The following UBAP2 variants were observed in gnomAD, a reference collection of about 807,000 sequenced individuals.
UBAP2 encodes ubiquitin associated protein 2, also known as ubiquitin-associated protein 2.
Under a neutral mutation model 139.6 loss-of-function variants are expected in UBAP2, and 75 were observed. The observed-to-expected ratio is 0.54, with a 90% CI of 0.45 to 0.65. The LOEUF is 0.65. Ranked by LOEUF, UBAP2 falls within the 30% of genes least tolerant of loss-of-function variation. The pLI, the probability that UBAP2 is intolerant of heterozygous loss-of-function variation, is 0.00. For missense variants in UBAP2, 1,368 were observed against 1,369.6 expected (o/e 1.00, Z 0.02); for synonymous variants, 526 against 526.2 (o/e 1.00, Z 0.01).
intron 2 of UBAP2, among the ~76,000 whole-genome samples, chr9:34,009,838 G>A (rs956146008): frequency 1.4e-4 from 19 of 135,904 alleles, no homozygotes; most frequent in African/African-American, 2.5e-4. Flanking sequence ...ACAGAGTTTC[G>A]CTCTTGTTGT....
At chr9:34,006,579 G>A (rs1587648818) in intron 2 of UBAP2, among the ~76,000 whole-genome samples, 1 of 152,148 alleles carries the variant, frequency 6.6e-6, no homozygotes, top group East Asian at 1.9e-4. Flanking sequence ...AAGAGGCTGA[G>A]GTAGGAGGAT....
chr9:34,027,566 GA>G (rs1825509509), intron 1 of UBAP2, among the ~76,000 whole-genome samples: 1 of 144,926 alleles, frequency 6.9e-6, no homozygotes, highest in African/African-American at 2.6e-5. Context: ...ATTTAAAAAA[GA>G]AAAAAATAGG....
chr9:34,046,978 G>A (rs139075074), intron 1 of UBAP2, among the ~76,000 whole-genome samples: 1 of 152,242 alleles, frequency 6.6e-6, no homozygotes, highest in Non-Finnish European at 1.5e-5. Flanking sequence ...AACTCCATGT[G>A]ACTACTGCTG....
At chr9:33,957,119 G>C (rs901873616) in intron 10 of UBAP2, among the ~76,000 whole-genome samples, 1 of 151,832 alleles carries the variant, frequency 6.6e-6, no homozygotes, top group Non-Finnish European at 1.5e-5. Context: ...TCATTAAGAA[G>C]TTTGTAAAGG....
chr9:33,992,938 C>A (rs1344122328), intron 4 of UBAP2, among the ~76,000 whole-genome samples: 2 of 152,152 alleles, frequency 1.3e-5, no homozygotes, highest in Admixed American at 6.5e-5. Context: ...GTCTTCGAAG[C>A]CAGCTAGTTC....
At chr9:34,015,928 C>G (rs1457660574) in intron 2 of UBAP2, among the ~76,000 whole-genome samples, 4 of 152,164 alleles carry the variant, frequency 2.6e-5, no homozygotes, top group Non-Finnish European at 4.4e-5. Context: ...CTCAGCCTCC[C>G]AAAGTGTTGA....
intron 2 of UBAP2, chr9:34,011,797 G>A (rs1823768572): frequency 3.8e-6 from 1 of 261,866 alleles, no homozygotes; most frequent in African/African-American, 2.3e-5. Flanking sequence ...ATCTTGCCAA[G>A]AAAAGTACCA....
intron 9 of UBAP2, among the ~76,000 whole-genome samples, chr9:33,962,654 A>G (rs1348119653): frequency 7.5e-6 from 1 of 133,874 alleles, no homozygotes; most frequent in Non-Finnish European, 1.5e-5. Flanking sequence ...AAAAATAAAT[A>G]AATAAATAAA....
At chr9:33,954,737 A>C (rs1436693251) in intron 11 of UBAP2, among the ~76,000 whole-genome samples, 1 of 152,184 alleles carries the variant, frequency 6.6e-6, no homozygotes, top group East Asian at 1.9e-4. Flanking sequence ...TACAATAGAG[A>C]ATATGTGCAT....
chr9:33,977,367 T>G (rs1820233953), intron 6 of UBAP2, among the ~76,000 whole-genome samples: 1 of 152,090 alleles, frequency 6.6e-6, no homozygotes. Flanking sequence ...TTAAAAAATC[T>G]AATCCATCGT....
chr9:33,986,770 G>A lies in UBAP2; in HGVS notation c.510C>T (p.Ala170=). 6.2e-7 allele frequency: 1 copy of A among 1,613,790 alleles called. No homozygotes were observed. Among genetic ancestry groups the A allele is most frequent in the Non-Finnish European group, 8.5e-7 (1 of 1,179,918 alleles). The stretch of plus-strand genomic sequence containing the variant: ...CTTACTCTAGCTTACCTCTACCCCG[G>A]GCTCGCTTGCCACGATCTGAAGGTT... ...VDKPSDRGKR[A]RGRGFGRGRG... The change falls in exon 6 of 29, where the codon GCC becomes GCT. Residue 170 remains alanine (A), a synonymous_variant. Transcript: ENST00000379238.
chr9:33,969,731 T>C (rs1277851340), intron 8 of UBAP2, among the ~76,000 whole-genome samples: 3 of 149,514 alleles, frequency 2.0e-5, no homozygotes, highest in Non-Finnish European at 4.5e-5. Flanking sequence ...CCAGGCATAG[T>C]GCCGGACACC....
At chr9:33,939,135 G>C (rs546545385) in intron 16 of UBAP2, among the ~76,000 whole-genome samples, 1 of 149,578 alleles carries the variant, frequency 6.7e-6, no homozygotes, top group African/African-American at 2.5e-5. Flanking sequence ...ATTAGAGGTA[G>C]AGTGGCATAA....
At chr9:33,937,253 T>G (rs1824634525) in intron 16 of UBAP2, among the ~76,000 whole-genome samples, 1 of 152,042 alleles carries the variant, frequency 6.6e-6, no homozygotes, top group Non-Finnish European at 1.5e-5. Context: ...AAAGGTTCAA[T>G]TTAACTGCGT....
chr9:34,004,004 G>C (rs1822959232), intron 2 of UBAP2, among the ~76,000 whole-genome samples: 1 of 152,170 alleles, frequency 6.6e-6, no homozygotes, highest in South Asian at 2.1e-4. Flanking sequence ...ACAGGTATGA[G>C]CCACCACGCC....
At position 33,926,975 on chromosome 9, in the gene UBAP2, C is replaced by T. The variant is rs200157072; in HGVS notation, c.2463+14G>A. On this transcript the variant is annotated intron_variant, in intron 21 of 28. Coordinates refer to ENST00000379238, the MANE Select transcript of UBAP2 (RefSeq NM_001370062.2). ...GGGGAGCTGGGCAGGCCAGGAGTTCCGCCATACACTCACCGGGTAGGCAGG... is the reference window on the plus strand; with the variant it reads ...GGGGAGCTGGGCAGGCCAGGAGTTCTGCCATACACTCACCGGGTAGGCAGG... 1,256 of 1,612,672 alleles carry T rather than the reference C, an allele frequency of 7.8e-4. No homozygotes were observed. The highest frequency in any genetic ancestry group is 1.0e-3 in the Non-Finnish European group (1,188 of 1,178,916).
rs778891310 is a variant in UBAP2, at chr9:33,943,516, T to C, written c.1619A>G (p.Glu540Gly). Residue 540 changes from glutamate (E) to glycine (G), a missense_variant, in exon 15 of 29, where the codon GAA becomes GGA. Glu to Gly is a moderately conservative substitution (Grantham distance 98). Transcript: ENST00000379238. ...AGAGAGAGAAGGTTCTGACCCAAAT[T>C]CCAGAGCCCCAAACTGCACATTTAA... ...TGLNVQFGALEFGSEPSLSEF... is the reference protein window; with the variant it reads ...TGLNVQFGALGFGSEPSLSEF... 1 of 1,614,136 alleles carries C rather than the reference T, an allele frequency of 6.2e-7. No homozygotes were observed. Among genetic ancestry groups the C allele is most frequent in the Non-Finnish European group, 8.5e-7 (1 of 1,180,028 alleles).
intron 1 of UBAP2, among the ~76,000 whole-genome samples, chr9:34,045,319 T>C (rs1314931844): frequency 6.6e-6 from 1 of 151,250 alleles, no homozygotes; most frequent in African/African-American, 2.4e-5. Context: ...GCACTCCAAT[T>C]TGGGCAACAG....
chr9:33,996,267 C>G lies in UBAP2; in HGVS notation c.244G>C (p.Val82Leu). The change falls in exon 4 of 29, where the codon GTG (valine) becomes CTG (leucine). Residue 82 changes from valine to leucine, a missense_variant. By Grantham distance (32) the Val-to-Leu change is conservative. Transcript: ENST00000379238. ...IVALHDCNGDVNKAINILLEG... is the reference protein window; with the variant it reads ...IVALHDCNGDLNKAINILLEG... ...AGCAATATATTGATAGCTTTGTTCA[C>G]ATCTCCATTACAATCATGTAGGGCC... 6.2e-7 allele frequency: 1 copy of G among 1,613,740 alleles called. No homozygotes were observed. The highest frequency in any genetic ancestry group is 1.1e-5 in the South Asian group (1 of 91,072).
Sources: gnomAD v4.1 joint callset for allele counts (sites outside exome capture counted in the v4.1 genomes callset) on GRCh38, gnomAD v4.1.1 for gene constraint, MANE v1.5 for transcripts, NCBI Gene and HGNC (gene_info 2026-07-23, HGNC 2026-07-21) for gene names.